Variants in PRRC2C observed in about 807,000 individuals in gnomAD.
PRRC2C encodes protein PRRC2C.
Under a neutral mutation model 317.2 loss-of-function variants are expected in PRRC2C, and 72 were observed. That is an observed-to-expected ratio of 0.23 (90% confidence interval 0.19 to 0.28). PRRC2C has a LOEUF of 0.28. Among genes scored for constraint, PRRC2C ranks in the 10% least tolerant of loss-of-function variants. PRRC2C has a pLI of 1.00. For missense variants in PRRC2C, 3,074 were observed against 3,459.7 expected (o/e 0.89, Z 2.80); for synonymous variants, 1,296 against 1,205.9 (o/e 1.07, Z -1.55).
chr1:171,531,136 A>G (rs1028765436), intron 11 of PRRC2C, among the ~76,000 whole-genome samples: 4 of 152,196 alleles, frequency 2.6e-5, no homozygotes, highest in Admixed American at 6.5e-5. Flanking sequence ...AATTTTATAC[A>G]TGTATATAAA....
Position 171,574,988 on chromosome 1 carries a change from T to A in PRRC2C, c.6815T>A (p.Val2272Glu). Residue 2272 changes from valine to glutamate, a missense_variant, in exon 25 of 35, where the codon GTA (valine) becomes GAA (glutamate). Coordinates refer to ENST00000647382, the MANE Select transcript of PRRC2C (RefSeq NM_001387844.1). Reference sequence around the variant, plus strand: ...AATGTAAGGGAAAAGGGGTCTCCAGTAACTTCCACAGCACCTCCAATTGCA... The same window carrying A: ...AATGTAAGGGAAAAGGGGTCTCCAGAAACTTCCACAGCACCTCCAATTGCA... ...SPNVREKGSP[V>E]TSTAPPIATG... 6 of 1,613,932 alleles carry A rather than the reference T, an allele frequency of 3.7e-6. No homozygotes were observed. The highest frequency in any genetic ancestry group is 5.1e-6 in the Non-Finnish European group (6 of 1,179,882).
At chr1:171,501,676 A>G (rs1669144391) in intron 1 of PRRC2C, among the ~76,000 whole-genome samples, 1 of 152,340 alleles carries the variant, frequency 6.6e-6, no homozygotes, top group Non-Finnish European at 1.5e-5. Context: ...TGTAAAAGTA[A>G]TAAAAAAGCT....
At chr1:171,560,930 C>A in intron 19 of PRRC2C, 88 bp from the exon 20 acceptor site, 1 of 1,010,562 alleles carries the variant, frequency 9.9e-7, no homozygotes, top group Non-Finnish European at 1.6e-6. Context: ...AATAGCTACA[C>A]AGTAGGAGAT....
At chr1:171,512,002 C>T in intron 1 of PRRC2C, 30 bp from the exon 2 acceptor site, 38 of 607,582 alleles carry the variant, frequency 6.3e-5, no homozygotes, top group East Asian at 2.0e-4. Flanking sequence ...GTTTTTCATC[C>T]TTATTTTTCT....
chr1:171,553,642 T>C (rs1387141248), intron 18 of PRRC2C, among the ~76,000 whole-genome samples: 2 of 152,212 alleles, frequency 1.3e-5, no homozygotes, highest in South Asian at 2.1e-4. Flanking sequence ...GTTTTAAGTG[T>C]GTCCCAGAGA....
rs1677950110 is a variant in PRRC2C, at chr1:171,541,516, C to G, written c.4050C>G (p.Phe1350Leu). 1 of 1,613,516 alleles carries G rather than the reference C, an allele frequency of 6.2e-7. No homozygotes were observed. The highest frequency in any genetic ancestry group is 8.5e-7 in the Non-Finnish European group (1 of 1,179,720). The change falls in exon 16 of 35, where the codon TTC becomes TTG. Residue 1350 changes from phenylalanine (F) to leucine (L), a missense_variant. Coordinates refer to ENST00000647382, the MANE Select transcript of PRRC2C (RefSeq NM_001387844.1). This position sits in a 1 kb window ranked among gnomAD's most constrained non-coding sequence, Gnocchi z 4.1. ...EPTRRGRGGT[F>L]RRGGRDPGGR... ...CAAGGAGAGGCAGAGGGGGAACATT[C>G]AGGCGTGGTGGAAGGGATCCTGGAG...
chr1:171,525,648 G>A (rs753180313), intron 10 of PRRC2C, among the ~76,000 whole-genome samples: 2 of 152,170 alleles, frequency 1.3e-5, no homozygotes, highest in Non-Finnish European at 2.9e-5. Flanking sequence ...AAAAAAGTCA[G>A]TAAGCAGTTA....
At chr1:171,581,258 T>C (rs1450016224) in intron 28 of PRRC2C, among the ~76,000 whole-genome samples, 4 of 152,210 alleles carry the variant, frequency 2.6e-5, no homozygotes, top group Non-Finnish European at 5.9e-5. Context: ...AAAATAAAAC[T>C]TGAAAATTTC....
chr1:171,542,317 T>A, intron 16 of PRRC2C, 88 bp downstream of exon 16: 3 of 1,202,934 alleles, frequency 2.5e-6, no homozygotes, highest in Non-Finnish European at 3.4e-6. Flanking sequence ...AAAGAGCCAG[T>A]CTAGATAAAG....
Position 171,579,913 on chromosome 1 carries a change from C to CT in PRRC2C, c.7359dup (p.Ala2454CysfsTer17). On this transcript the variant is annotated frameshift_variant, in exon 28 of 35. Transcript: ENST00000647382. LOFTEE classifies it high-confidence loss of function. ...GCCCAACTGAGTTTGGGGGCTGGCC[C>CT]TGCTGTTTCCCAGGCTCAGGAATTG... 1 of 1,597,484 alleles carries CT rather than the reference C, an allele frequency of 6.3e-7. No homozygotes were observed.
intron 23 of PRRC2C, among the ~76,000 whole-genome samples, chr1:171,569,140 G>A (rs1331031935): frequency 2.0e-5 from 3 of 151,990 alleles, no homozygotes; most frequent in East Asian, 1.9e-4. Context: ...GAGGTATGAT[G>A]GAAATTTGGT....
chr1:171,584,679 C>G (rs1403302577), intron 30 of PRRC2C, 153 bp downstream of exon 30: 4 of 858,308 alleles, frequency 4.7e-6, no homozygotes, highest in Non-Finnish European at 5.1e-6. Context: ...CCACTGGGTC[C>G]ACGTAGAAGG....
At chr1:171,588,854 A>C (rs1426116226) in intron 33 of PRRC2C, among the ~76,000 whole-genome samples, 1 of 152,142 alleles carries the variant, frequency 6.6e-6, no homozygotes, top group Non-Finnish European at 1.5e-5. Context: ...TGTTGTTAAG[A>C]TATTTATGTG....
chr1:171,532,823 C>A lies in PRRC2C; in HGVS notation c.1735C>A (p.Leu579Ile). ...LERQKEKEKE[L>I]QKMKEQEKEC... ...ACGGCAGAAAGAAAAGGAAAAAGAACTACAAAAGATGAAAGAACAAGAAAA... is the reference window on the plus strand; with the variant it reads ...ACGGCAGAAAGAAAAGGAAAAAGAAATACAAAAGATGAAAGAACAAGAAAA... Residue 579 changes from leucine (L) to isoleucine (I), a missense_variant, in exon 12 of 35, where the codon CTA (leucine) becomes ATA (isoleucine). By Grantham distance (5) the Leu-to-Ile change is conservative (BLOSUM62 2). Around this residue, in one of 11 missense-constraint regions of PRRC2C, gnomAD observed 1,320 missense variants for 1,395.7 expected, o/e 0.95. Coordinates refer to ENST00000647382, the MANE Select transcript of PRRC2C (RefSeq NM_001387844.1). 3 of 1,592,542 alleles carry A rather than the reference C, an allele frequency of 1.9e-6. No homozygotes were observed. The highest frequency in any genetic ancestry group is 2.6e-6 in the Non-Finnish European group (3 of 1,172,206).
At position 171,557,487 on chromosome 1, in the gene PRRC2C, T is replaced by C. The variant is rs564114063; in HGVS notation, c.5375T>C (p.Leu1792Ser). ...STSAPVPAST[L>S]APVLASTSAP... ...TCAGCTCCGGTTCCAGCCTCAACTT[T>C]AGCTCCAGTTCTGGCCTCAACCTCA... The change falls in exon 19 of 35, where the codon TTA becomes TCA. Residue 1792 changes from leucine to serine, a missense_variant. Physicochemically the swap from Leu to Ser is moderately radical, Grantham distance 145. Coordinates refer to ENST00000647382, the MANE Select transcript of PRRC2C (RefSeq NM_001387844.1). 5.2e-6 allele frequency: 8 copies of C among 1,550,846 alleles called. No homozygotes were observed. The highest frequency in any genetic ancestry group is 3.9e-5 in the Admixed American group (2 of 50,936).
At chr1:171,516,663 C>T (rs1672426060) in intron 5 of PRRC2C, among the ~76,000 whole-genome samples, 1 of 152,138 alleles carries the variant, frequency 6.6e-6, no homozygotes, top group Non-Finnish European at 1.5e-5. Context: ...CTTATGATAT[C>T]CCACTGTATC....
intron 15 of PRRC2C, among the ~76,000 whole-genome samples, chr1:171,539,594 T>C (rs1314749615): frequency 6.6e-6 from 1 of 152,218 alleles, no homozygotes; most frequent in Non-Finnish European, 1.5e-5. Flanking sequence ...GGTTTCTGCT[T>C]TGATGAAGTT....
At position 171,566,724 on chromosome 1, in the gene PRRC2C, G is replaced by C. The variant is rs777477162; in HGVS notation, c.6439G>C (p.Ala2147Pro). ...AGAAGGACAAGAGAAACCAAGCCCA[G>C]CTACAGTCAGAAGCACAGATCCTGT... is the stretch of plus-strand genomic sequence containing the variant. ...EPEGQEKPSP[A>P]TVRSTDPVTT... The change falls in exon 22 of 35, where the codon GCT (alanine) becomes CCT (proline). Residue 2147 changes from alanine to proline, a missense_variant. Around this residue, in one of 11 missense-constraint regions of PRRC2C, gnomAD observed 640 missense variants for 676.1 expected, o/e 0.95. Transcript: ENST00000647382. The C allele has an allele frequency of 1.9e-6, 3 of 1,613,586 alleles. No homozygotes were observed. The highest frequency in any genetic ancestry group is 2.5e-6 in the Non-Finnish European group (3 of 1,179,800).
At chr1:171,564,846 A>G (rs1683349638) in intron 20 of PRRC2C, among the ~76,000 whole-genome samples, 1 of 152,256 alleles carries the variant, frequency 6.6e-6, no homozygotes, top group Admixed American at 6.5e-5. Flanking sequence ...ATTATATGGC[A>G]CATGACTGTA....
Sources: gnomAD v4.1 joint callset for allele counts (sites outside exome capture counted in the v4.1 genomes callset) on GRCh38, gnomAD v4.1.1 for gene constraint, gnomAD v4.1.1 regional missense constraint, Gnocchi (gnomAD v3.1) non-coding constraint, MANE v1.5 for transcripts, NCBI Gene and HGNC (gene_info 2026-07-23, HGNC 2026-07-21) for gene names.